The following C1QTNF3 variants were observed in gnomAD, a reference collection of about 807,000 sequenced individuals.
C1QTNF3 encodes C1q and TNF related 3.
In C1QTNF3, 26 loss-of-function variants were observed where a neutral mutation model predicts 32.6. The ratio of observed to expected loss-of-function variants is 0.80; its 90% CI spans 0.58 to 1.11. The LOEUF (loss-of-function observed/expected upper bound fraction) is 1.11, where lower values mean the gene tolerates loss of function less well. C1QTNF3 is among the 50% of genes least tolerant of loss of function. The probability of loss-of-function intolerance (pLI) is 0.00; values close to 1 mark genes in which losing one functional copy is unlikely to be tolerated. For synonymous variants in C1QTNF3, 155 were observed against 146.0 expected (o/e 1.06, Z -0.44); for missense variants, 362 against 398.2 (o/e 0.91, Z 0.77).
the C1QTNF3 span, among the ~76,000 whole-genome samples, chr5:34,160,592 C>T: frequency 6.6e-6 from 1 of 152,124 alleles, no homozygotes; most frequent in Admixed American, 6.6e-5. Context: ...TTCCGTTACT[C>T]TAGAGTCAGA....
At chr5:34,125,957 T>C in the C1QTNF3 span, among the ~76,000 whole-genome samples, 1 of 152,184 alleles carries the variant, frequency 6.6e-6, no homozygotes, top group Non-Finnish European at 1.5e-5. Flanking sequence ...TTCAGGTGTA[T>C]AAGAGGGAAT....
chr5:34,143,239 TA>T, the C1QTNF3 span, among the ~76,000 whole-genome samples: 1 of 152,038 alleles, frequency 6.6e-6, no homozygotes, highest in Non-Finnish European at 1.5e-5. Context: ...AAATACAAAA[TA>T]AGTTTAAAAT....
At chr5:34,125,789 A>C in the C1QTNF3 span, among the ~76,000 whole-genome samples, 9 of 152,230 alleles carry the variant, frequency 5.9e-5, no homozygotes, top group Non-Finnish European at 1.3e-4. Context: ...TATTGTAATA[A>C]ATAAAATAGG....
the C1QTNF3 span, chr5:34,167,827 C>G: frequency 6.6e-6 from 1 of 152,044 alleles, no homozygotes; most frequent in Non-Finnish European, 1.5e-5. Context: ...CTTTAGTTTT[C>G]TTTTAAAAAT....
chr5:34,135,966 C>A, the C1QTNF3 span, among the ~76,000 whole-genome samples: 1 of 150,966 alleles, frequency 6.6e-6, no homozygotes, highest in African/African-American at 2.4e-5. Flanking sequence ...CCCTTCCTTA[C>A]ACCTTATACA....
At chr5:34,098,786 T>C in the C1QTNF3 span, among the ~76,000 whole-genome samples, 3 of 152,094 alleles carry the variant, frequency 2.0e-5, no homozygotes, top group African/African-American at 4.8e-5. Flanking sequence ...TTATGTAATA[T>C]TCTCACTAAA....
At chr5:34,069,779 A>G in the C1QTNF3 span, among the ~76,000 whole-genome samples, 1 of 152,198 alleles carries the variant, frequency 6.6e-6, no homozygotes, top group Non-Finnish European at 1.5e-5. Context: ...CACAATCAGA[A>G]ATAGAAACTC....
the C1QTNF3 span, among the ~76,000 whole-genome samples, chr5:34,226,992 T>C: frequency 3.9e-5 from 6 of 151,986 alleles, no homozygotes; most frequent in Admixed American, 1.3e-4. Flanking sequence ...TGTTTTCCTG[T>C]AATGTCAGGA....
the C1QTNF3 span, among the ~76,000 whole-genome samples, chr5:34,100,291 C>G: frequency 2.6e-5 from 4 of 151,878 alleles, no homozygotes. Context: ...TCTAACGACC[C>G]AATCACCTCT....
rs990177178 is a variant in C1QTNF3, at chr5:34,019,405, G to C, written c.*1178C>G. On this transcript the variant is annotated 3_prime_UTR_variant, in exon 6 of 6. Transcript: ENST00000382065. ...ACTAAGGTGAAAACTTAGAATTTAA[G>C]CATGAACATTACAAAGACTTAAGGT... 5.3e-5 allele frequency: 8 copies of C among 152,148 alleles called. No individual in the cohort carries two copies. The highest frequency in any genetic ancestry group is 1.9e-4 in the African/African-American group (8 of 41,422). The allele number at this position is 152,148 out of a possible 1,614,324, so 9.4% of individuals were successfully genotyped here.
At chr5:34,164,270 T>C in the C1QTNF3 span, among the ~76,000 whole-genome samples, 3 of 152,130 alleles carry the variant, frequency 2.0e-5, no homozygotes, top group Non-Finnish European at 2.9e-5. Flanking sequence ...GTGATGTCTA[T>C]TGCCAGAAAA....
intron 1 of C1QTNF3, among the ~76,000 whole-genome samples, chr5:34,037,816 C>T (rs768884358): frequency 3.9e-5 from 6 of 152,298 alleles, no homozygotes; most frequent in East Asian, 3.9e-4. Context: ...AAAGACACCA[C>T]GGCACACCCC....
chr5:34,213,824 TG>T, the C1QTNF3 span, among the ~76,000 whole-genome samples: 285 of 18,706 alleles, frequency 0.015, 7 homozygotes, highest in Non-Finnish European at 0.026. Context: ...TTTTTTTTTG[TG>T]TGTGTGATGG....
the C1QTNF3 span, among the ~76,000 whole-genome samples, chr5:34,087,874 G>A: frequency 6.6e-6 from 1 of 152,226 alleles, no homozygotes; most frequent in South Asian, 2.1e-4. Flanking sequence ...ATGAGCCACT[G>A]CATCTGGCCC....
chr5:34,030,835 G>GA (rs1754594226), intron 3 of C1QTNF3, among the ~76,000 whole-genome samples: 1 of 152,122 alleles, frequency 6.6e-6, no homozygotes, highest in Non-Finnish European at 1.5e-5. Context: ...TGCAGGAACA[G>GA]AAAACCAAAC....
At chr5:34,234,907 T>A in the C1QTNF3 span, among the ~76,000 whole-genome samples, 1 of 152,182 alleles carries the variant, frequency 6.6e-6, no homozygotes, top group Admixed American at 6.5e-5. Context: ...TTAATTTTTT[T>A]TCTCACAATA....
chr5:34,044,605 G>A (rs1239104242), upstream of C1QTNF3, among the ~76,000 whole-genome samples: 2 of 152,164 alleles, frequency 1.3e-5, no homozygotes, highest in African/African-American at 2.4e-5. Flanking sequence ...GGCCCCTCCT[G>A]CAGCTACCAG....
Position 34,019,601 on chromosome 5 carries a change from C to G in C1QTNF3, c.*982G>C, listed in dbSNP as rs1304334775. 1 of 152,206 alleles carries G rather than the reference C, an allele frequency of 6.6e-6. No individual in the cohort carries two copies. Among genetic ancestry groups the G allele is most frequent in the Non-Finnish European group, 1.5e-5 (1 of 68,044 alleles). The allele number at this position is 152,206 out of a possible 1,614,324, so 9.4% of individuals were successfully genotyped here. A position where few individuals can be genotyped will look rare whatever the true frequency, so the allele number is the denominator to read the frequency against. On this transcript the variant is annotated 3_prime_UTR_variant, in exon 6 of 6. Transcript: ENST00000382065. The stretch of plus-strand genomic sequence containing the variant: ...CAAGTCACCTATTCACATGGCTGTT[C>G]ACATCATCTGCATGAAAATATTTTC...
the C1QTNF3 span, chr5:34,166,479 G>C: frequency 1.3e-5 from 2 of 152,092 alleles, no homozygotes; most frequent in African/African-American, 4.8e-5. Context: ...ATAGAACATG[G>C]AATAAAGAAA....
Sources: allele counts gnomAD v4.1 joint callset (sites outside exome capture counted in the v4.1 genomes callset), GRCh38; gene constraint gnomAD v4.1.1; transcripts MANE v1.5; gene names NCBI Gene and HGNC (gene_info 2026-07-23, HGNC 2026-07-21).